Variants in SDK1 observed in about 807,000 individuals in gnomAD.
SDK1 encodes the protein protein sidekick-1.
In SDK1, 157 loss-of-function variants were observed where a neutral mutation model predicts 245.5. That is an observed-to-expected ratio of 0.64 (90% CI 0.56 to 0.73). The LOEUF is 0.73. SDK1 is among the 30% of genes least tolerant of loss of function. The probability of loss-of-function intolerance (pLI) is 0.00; values close to 1 mark genes in which losing one functional copy is unlikely to be tolerated. For missense variants in SDK1, 3,583 were observed against 3,002.3 expected, an observed-to-expected ratio of 1.19 and a Z score of -4.52; for synonymous variants, 1,647 against 1,278.5, an observed-to-expected ratio of 1.29 and a Z score of -6.15.
At chr7:3,869,222 C>G (rs1038658223) in intron 5 of SDK1, among the ~76,000 whole-genome samples, 1 of 142,208 alleles carries the variant, frequency 7.0e-6, no homozygotes, top group Non-Finnish European at 1.5e-5. Flanking sequence ...GTGATGCAAT[C>G]TCGGCCCACT....
rs756646847 is a variant in SDK1 at position 4,268,918 on chromosome 7, A to G, written c.*3534A>G. ...TGTGCAGAAAAACAGATCTCATTAA[A>G]AGAAAAAAAGAAACAACTTGTAGGA... On this transcript the variant is annotated 3_prime_UTR_variant, in exon 45 of 45. Coordinates refer to ENST00000404826, the MANE Select transcript of SDK1 (RefSeq NM_152744.4). The G allele has an allele frequency of 4.9e-5, 17 of 348,736 alleles. No homozygotes were observed. The highest frequency in any genetic ancestry group is 9.1e-5 in the Non-Finnish European group (16 of 175,944). 21.6% of individuals were successfully genotyped at this position (348,736 alleles called of 1,614,324 possible). A position where few individuals can be genotyped will look rare whatever the true frequency, so the allele number is the denominator to read the frequency against.
chr7:3,961,231 G>A (rs1293411226), intron 8 of SDK1, among the ~76,000 whole-genome samples: 1 of 152,210 alleles, frequency 6.6e-6, no homozygotes, highest in Non-Finnish European at 1.5e-5. Context: ...GTGACATCAT[G>A]TAACTGCTAT....
In SDK1 at chr7:3,926,226, G is replaced by A. The variant is rs367585001; in HGVS notation, c.848-24697G>A. On this transcript the variant is annotated intron_variant, in intron 5 of 44. Coordinates refer to ENST00000404826, the MANE Select transcript of SDK1 (RefSeq NM_152744.4). ...CTAGATGGTACAGACAGGCATCAGG[G>A]ACCCTTTGGCCACTCATTTAAACCC... Among the ~76,000 whole-genome samples the A allele has an allele frequency of 3.3e-5, 5 of 152,152 alleles. No individual in the cohort carries two copies. The East Asian group carries it at 5.8e-4, about 18-fold the overall frequency.
chr7:3,564,661 C>G (rs1197643006), intron 1 of SDK1, among the ~76,000 whole-genome samples: 1 of 151,680 alleles, frequency 6.6e-6, no homozygotes, highest in East Asian at 1.9e-4. Flanking sequence ...TAAAAATTAT[C>G]CTAAGAAATA....
chr7:3,712,363 C>A (rs10253170), intron 4 of SDK1, among the ~76,000 whole-genome samples: 12,672 of 152,204 alleles, frequency 0.083, 605 homozygotes, highest in Middle Eastern at 0.14. Flanking sequence ...CCATCACCCC[C>A]AGATGGGACT....
chr7:4,017,313 G>A lies in SDK1; in HGVS notation c.2563G>A (p.Val855Ile), dbSNP rs148719772. 7.6e-4 allele frequency: 1,220 copies of A among 1,613,706 alleles called. 1 individual carries two copies. Among genetic ancestry groups the A allele is most frequent in the Non-Finnish European group, 9.2e-4 (1,082 of 1,179,768 alleles). ...VAAYNGAGLG[V>I]FSRAVTEYTL... ...GGCGTACAACGGGGCCGGTCTGGGC[G>A]TCTTCAGCAGGGCAGTGACCGAGTA... The change falls in exon 17 of 45, where the codon GTC becomes ATC. Residue 855 changes from valine to isoleucine, a missense_variant. Val to Ile is a conservative substitution (Grantham distance 29). Coordinates refer to ENST00000404826, the MANE Select transcript of SDK1 (RefSeq NM_152744.4).
At chr7:3,641,521 GAAACA>G (rs1462310322) in intron 3 of SDK1, among the ~76,000 whole-genome samples, 1 of 152,160 alleles carries the variant, frequency 6.6e-6, no homozygotes, top group Non-Finnish European at 1.5e-5. Context: ...ACAAATGAAG[GAAACA>G]AGCTGAAGAG....
chr7:3,343,565 TACTC>T (rs1239905975), intron 1 of SDK1, among the ~76,000 whole-genome samples: 4 of 152,260 alleles, frequency 2.6e-5, no homozygotes, highest in Non-Finnish European at 5.9e-5. Flanking sequence ...GTGGTGGAAA[TACTC>T]TATCTTGGCT....
At chr7:4,161,980 A>G (rs1781165113) in intron 32 of SDK1, 124 bp downstream of exon 32, 4 of 789,540 alleles carry the variant, frequency 5.1e-6, no homozygotes, top group Non-Finnish European at 6.5e-6. Flanking sequence ...AGTAGAACCA[A>G]GGAGACACAC....
At chr7:4,167,545 C>T (rs1781572139) in intron 32 of SDK1, among the ~76,000 whole-genome samples, 1 of 152,242 alleles carries the variant, frequency 6.6e-6, no homozygotes, top group Non-Finnish European at 1.5e-5. Flanking sequence ...CTTCAAGCTT[C>T]TCTCCACACA....
At chr7:4,062,600 C>T (rs182323494) in intron 19 of SDK1, among the ~76,000 whole-genome samples, 2 of 152,278 alleles carry the variant, frequency 1.3e-5, no homozygotes, top group Admixed American at 1.3e-4. Flanking sequence ...CTTTCTAACT[C>T]ATTTTATGAG....
chr7:3,314,184 T>A (rs898220758), intron 1 of SDK1, among the ~76,000 whole-genome samples: 3 of 150,932 alleles, frequency 2.0e-5, no homozygotes, highest in African/African-American at 7.5e-5. Flanking sequence ...GCAAGCCATG[T>A]TGGAATCTGG....
chr7:3,842,001 C>T (rs535942253), intron 5 of SDK1, among the ~76,000 whole-genome samples: 1 of 152,356 alleles, frequency 6.6e-6, no homozygotes, highest in African/African-American at 2.4e-5. Flanking sequence ...GACACCTCTC[C>T]TCCACCTCCA....
chr7:3,988,281 C>T (rs1308827042), intron 14 of SDK1, among the ~76,000 whole-genome samples: 1 of 151,814 alleles, frequency 6.6e-6, no homozygotes, highest in Non-Finnish European at 1.5e-5. Context: ...CCTCCACACC[C>T]CCTGCATCAG....
intron 19 of SDK1, among the ~76,000 whole-genome samples, chr7:4,063,597 C>CAAAAAAAAAAAAAAA (rs35423286): frequency 7.2e-5 from 9 of 125,166 alleles, no homozygotes; most frequent in East Asian, 4.8e-4. Context: ...ACAGAAATAG[C>CAAAAAAAAAAAAAAA]AAAAAAAAAA....
At chr7:3,445,734 C>T (rs959514664) in intron 1 of SDK1, among the ~76,000 whole-genome samples, 1 of 152,128 alleles carries the variant, frequency 6.6e-6, no homozygotes. Flanking sequence ...ATTTCTTCTA[C>T]ACACATTAAG....
chr7:3,712,879 C>T lies in SDK1; in HGVS notation c.713+70774C>T, dbSNP rs188096710. Among the ~76,000 whole-genome samples the T allele has an allele frequency of 3.9e-4, 60 of 152,260 alleles. 1 individual carries two copies. Among genetic ancestry groups the T allele is most frequent in the African/African-American group, 1.1e-3 (46 of 41,556 alleles). On this transcript the variant is annotated intron_variant, in intron 4 of 44. Transcript: ENST00000404826. ...GCCCAGGTGCCCCCACAATATAGAC[C>T]CCTTGGACCTTCAGTGGTGCCATTG...
chr7:3,600,055 A>G (rs753602609), intron 1 of SDK1, among the ~76,000 whole-genome samples: 30 of 152,260 alleles, frequency 2.0e-4, no homozygotes, highest in South Asian at 4.1e-4. Context: ...CTTTAATTCT[A>G]TGGACATGGT....
intron 35 of SDK1, among the ~76,000 whole-genome samples, chr7:4,194,454 A>G (rs1456573109): frequency 1.9e-5 from 2 of 106,664 alleles, no homozygotes; most frequent in East Asian, 4.4e-4. Flanking sequence ...GTATACATGT[A>G]TATATGTGTG....
Sources: gnomAD v4.1 joint callset for allele counts (sites outside exome capture counted in the v4.1 genomes callset) on GRCh38, gnomAD v4.1.1 for gene constraint, MANE v1.5 for transcripts, NCBI Gene and HGNC (gene_info 2026-07-23, HGNC 2026-07-21) for gene names.